Variants in ERG observed in about 807,000 individuals in gnomAD.
ERG encodes ETS transcription factor ERG.
A neutral mutation model predicts 55.3 loss-of-function variants in ERG; 9 were observed. That is an observed-to-expected ratio of 0.16 (90% confidence interval 0.10 to 0.28). The LOEUF (loss-of-function observed/expected upper bound fraction) is 0.28, where lower values mean the gene tolerates loss of function less well. ERG is among the 10% of genes least tolerant of loss of function. ERG has a pLI of 1.00. For synonymous variants in ERG, 223 were observed against 237.3 expected (o/e 0.94, Z 0.55); for missense variants, 434 against 631.6 (o/e 0.69, Z 3.35).
chr21:38,595,529 A>G (rs906007745), intron 1 of ERG, among the ~76,000 whole-genome samples: 3 of 152,200 alleles, frequency 2.0e-5, no homozygotes, highest in Admixed American at 6.5e-5. Context: ...AGGTTGGTCA[A>G]TGGAAGCCCG....
At chr21:38,516,950 T>A (rs1211724949) in intron 2 of ERG, among the ~76,000 whole-genome samples, 1 of 152,088 alleles carries the variant, frequency 6.6e-6, no homozygotes, top group Non-Finnish European at 1.5e-5. Flanking sequence ...TCTCTTGCCA[T>A]ATATAAAAAT....
At chr21:38,511,541 A>G (rs992145331) in intron 2 of ERG, among the ~76,000 whole-genome samples, 3 of 152,250 alleles carry the variant, frequency 2.0e-5, no homozygotes, top group Non-Finnish European at 4.4e-5. Context: ...GGGTGGTAAG[A>G]TGTAAAGCAC....
At chr21:38,660,457 C>T (rs1412514963) in intron 1 of ERG, 1 of 152,398 alleles carries the variant, frequency 6.6e-6, no homozygotes, top group East Asian at 1.9e-4. Context: ...TGCCTTCCTC[C>T]CCGTCCCCGC....
At chr21:38,412,943 C>A (rs1989126907) in intron 3 of ERG, among the ~76,000 whole-genome samples, 1 of 152,112 alleles carries the variant, frequency 6.6e-6, no homozygotes, top group Non-Finnish European at 1.5e-5. Context: ...CCAGGTTTCC[C>A]AGATTATCAC....
intron 1 of ERG, among the ~76,000 whole-genome samples, chr21:38,477,030 T>TTA (rs2059195069): frequency 6.9e-6 from 1 of 144,026 alleles, no homozygotes; most frequent in African/African-American, 2.6e-5. Context: ...TTTTTTTTTT[T>TTA]GAGACAGAGT....
At chr21:38,539,149 A>G (rs778664934) in intron 2 of ERG, among the ~76,000 whole-genome samples, 12 of 152,164 alleles carry the variant, frequency 7.9e-5, no homozygotes, top group Non-Finnish European at 1.5e-4. Context: ...ATCATTCTTC[A>G]CCTATGTTTT....
chr21:38,597,633 G>C (rs1301305734), intron 1 of ERG, among the ~76,000 whole-genome samples: 5 of 152,112 alleles, frequency 3.3e-5, no homozygotes, highest in Admixed American at 2.0e-4. Flanking sequence ...CGAGGCATGA[G>C]CTTGGACAGG....
intron 2 of ERG, among the ~76,000 whole-genome samples, chr21:38,560,586 C>T (rs2059887003): frequency 6.6e-6 from 1 of 152,158 alleles, no homozygotes; most frequent in African/African-American, 2.4e-5. Flanking sequence ...CAGCCCCCTT[C>T]CCCCTCCAAT....
intron 1 of ERG, among the ~76,000 whole-genome samples, chr21:38,590,906 T>A (rs2060096715): frequency 6.6e-6 from 1 of 152,224 alleles, no homozygotes; most frequent in Non-Finnish European, 1.5e-5. Context: ...AGCATGACAA[T>A]CAGCTGGAGA....
At chr21:38,378,669 C>T (rs1987306686), downstream of ERG, among the ~76,000 whole-genome samples, 2 of 152,166 alleles carry the variant, frequency 1.3e-5, no homozygotes, top group South Asian at 2.1e-4. Flanking sequence ...TGTCCTATGT[C>T]CCTCTTTAAG....
intron 1 of ERG, among the ~76,000 whole-genome samples, chr21:38,608,014 T>C (rs1292431348): frequency 1.3e-5 from 2 of 152,202 alleles, no homozygotes; most frequent in Non-Finnish European, 2.9e-5. Flanking sequence ...ATAGGCAGCA[T>C]AAATAAATTT....
intron 2 of ERG, among the ~76,000 whole-genome samples, chr21:38,528,106 T>A (rs2059643353): frequency 6.6e-6 from 1 of 152,026 alleles, no homozygotes; most frequent in African/African-American, 2.4e-5. Flanking sequence ...CCTTGGCTTA[T>A]AGAAGCATCA....
intron 1 of ERG, among the ~76,000 whole-genome samples, chr21:38,661,081 G>C (rs965129700): frequency 1.1e-4 from 17 of 151,604 alleles, no homozygotes; most frequent in Non-Finnish European, 2.4e-4. Context: ...CCGGAGGAGA[G>C]AGTCCGGCCC....
intron 1 of ERG, among the ~76,000 whole-genome samples, chr21:38,610,884 A>G (rs2146928161): frequency 6.6e-6 from 1 of 152,308 alleles, no homozygotes; most frequent in South Asian, 2.1e-4. Context: ...GCTTGAGGGG[A>G]GATTGAAAAA....
chr21:38,420,200 T>C (rs1240571007), intron 3 of ERG, among the ~76,000 whole-genome samples: 2 of 152,110 alleles, frequency 1.3e-5, no homozygotes, highest in Non-Finnish European at 1.5e-5. Context: ...CTGGATACCA[T>C]GGGGATGGAT....
chr21:38,486,657 G>A (rs1276124785), intron 1 of ERG, among the ~76,000 whole-genome samples: 1 of 152,068 alleles, frequency 6.6e-6, no homozygotes, highest in Admixed American at 6.6e-5. Context: ...AATTAAATAA[G>A]AAGACTGTGA....
At chr21:38,491,871 T>C (rs2059339041) in intron 1 of ERG, among the ~76,000 whole-genome samples, 1 of 152,246 alleles carries the variant, frequency 6.6e-6, no homozygotes, top group Admixed American at 6.5e-5. Flanking sequence ...AGAATTCTTG[T>C]CACTGAGCAA....
intron 1 of ERG, among the ~76,000 whole-genome samples, chr21:38,452,142 C>A (rs1157940901): frequency 2.6e-5 from 4 of 152,202 alleles, no homozygotes; most frequent in Non-Finnish European, 5.9e-5. Flanking sequence ...GAGAGTATTT[C>A]TCCAATATGG....
intron 2 of ERG, among the ~76,000 whole-genome samples, chr21:38,552,305 A>G (rs928646906): frequency 6.6e-5 from 10 of 152,184 alleles, no homozygotes; most frequent in African/African-American, 9.7e-5. Context: ...AAGATTTAGG[A>G]GGAAAGACTC....
Sources: gnomAD v4.1 joint callset for allele counts (sites outside exome capture counted in the v4.1 genomes callset) on GRCh38, gnomAD v4.1.1 for gene constraint, MANE v1.5 for transcripts, NCBI Gene and HGNC (gene_info 2026-07-23, HGNC 2026-07-21) for gene names.